The following ZMYND8 variants were observed in gnomAD, a reference collection of about 807,000 sequenced individuals.
ZMYND8 encodes MYND-type zinc finger-containing chromatin reader ZMYND8.
Under a neutral mutation model 140.8 loss-of-function variants are expected in ZMYND8, and 37 were observed. The ratio of observed to expected loss-of-function variants is 0.26; its 90% CI spans 0.20 to 0.35. ZMYND8 has a LOEUF of 0.35. Among genes scored for constraint, ZMYND8 ranks in the 10% least tolerant of loss-of-function variants. The probability of loss-of-function intolerance (pLI) is 1.00; values close to 1 mark genes in which losing one functional copy is unlikely to be tolerated. For missense variants in ZMYND8, 1,068 were observed against 1,570.0 expected, an observed-to-expected ratio of 0.68 and a Z score of 5.40; for synonymous variants, 592 against 597.1, an observed-to-expected ratio of 0.99 and a Z score of 0.12.
At chr20:47,351,835 CTT>C in intron 1 of ZMYND8, 1 of 985,422 alleles carries the variant, frequency 1.0e-6, no homozygotes, top group Non-Finnish European at 1.2e-6. Flanking sequence ...AGCTGTAGCT[CTT>C]GTTTAAGCAG....
At chr20:47,300,930 G>A (rs6018401) in intron 3 of ZMYND8, among the ~76,000 whole-genome samples, 64,772 of 141,164 alleles carry the variant, frequency 0.46, 16,400 homozygotes, top group African/African-American at 0.7. Context: ...GTGTGTGTGT[G>A]TGTGTTTTGT....
chr20:47,277,945 ATAGGTGTTAGC>A (rs2147814356), intron 10 of ZMYND8, among the ~76,000 whole-genome samples: 1 of 152,004 alleles, frequency 6.6e-6, no homozygotes, highest in East Asian at 1.9e-4. Flanking sequence ...TGCTGGGATT[ATAGGTGTTAGC>A]CACCGTGCCC....
chr20:47,315,946 G>A (rs2079358046), intron 2 of ZMYND8, among the ~76,000 whole-genome samples: 2 of 152,188 alleles, frequency 1.3e-5, no homozygotes, highest in African/African-American at 4.8e-5. Context: ...CAGGAAAACA[G>A]CTTGGCATGG....
chr20:47,345,538 C>G (rs1362913013), intron 2 of ZMYND8, among the ~76,000 whole-genome samples: 1 of 149,314 alleles, frequency 6.7e-6, no homozygotes, highest in Non-Finnish European at 1.5e-5. Flanking sequence ...GACGGAGTCT[C>G]GCTCTGTCCC....
At chr20:47,349,983 ATGC>A in intron 1 of ZMYND8, 1 of 1,520,012 alleles carries the variant, frequency 6.6e-7, no homozygotes, top group South Asian at 1.2e-5. Context: ...TCAGGCAGGA[ATGC>A]TGCTGAGAGA....
rs111531851 is a variant in ZMYND8, at chr20:47,341,515, A to T, written c.85+6341T>A. Among the ~76,000 whole-genome samples, 7 of 146,586 alleles carry T rather than the reference A, an allele frequency of 4.8e-5. 1 individual carries two copies. Among genetic ancestry groups the T allele is most frequent in the African/African-American group, 1.8e-4 (7 of 39,226 alleles). ...GCATTCCAGCCTAGGTGACAGAGCG[A>T]GACTCCATCTCAAAAAAAAAAAAAA... is the stretch of plus-strand genomic sequence containing the variant. On this transcript the variant is annotated intron_variant, in intron 2 of 22. Coordinates refer to ENST00000471951, the MANE Select transcript of ZMYND8 (RefSeq NM_001281775.3).
rs1306700965 is a variant in ZMYND8, at chr20:47,349,880, A to G, written c.15-1954T>C. On this transcript the variant is annotated intron_variant, in intron 1 of 22. Coordinates refer to ENST00000471951, the MANE Select transcript of ZMYND8 (RefSeq NM_001281775.3). ...ACCCACTTGAAGGATTTCTGCAGCG[A>G]TGAAAACATTCAAAGGTGTATTGAT... The G allele has an allele frequency of 2.0e-6, 3 of 1,535,676 alleles. No individual in the cohort carries two copies. In the East Asian group the frequency reaches 7.3e-5, roughly 38 times the overall value.
chr20:47,221,684 T>G (rs1228904290), intron 19 of ZMYND8, among the ~76,000 whole-genome samples: 1 of 152,228 alleles, frequency 6.6e-6, no homozygotes, highest in Non-Finnish European at 1.5e-5. Flanking sequence ...ATAAACATGC[T>G]GAGATGGAGT....
At position 47,246,099 on chromosome 20, in the gene ZMYND8, G is replaced by A. The variant is rs141781562; in HGVS notation, c.2193C>T (p.Ser731=). The change falls in exon 14 of 23, where the codon AGC becomes AGT. Residue 731 remains serine (S), a synonymous_variant. Coordinates refer to ENST00000471951, the MANE Select transcript of ZMYND8 (RefSeq NM_001281775.3). The part of the protein sequence containing the change: ...VHLGLDSDSE[S]ELVIDLGEDH... Reference sequence around the variant, plus strand: ...CTTCTCCTAAATCTATGACAAGTTCGCTCTCTGAATCAGAGTCCAGGCCCA... The same window carrying A: ...CTTCTCCTAAATCTATGACAAGTTCACTCTCTGAATCAGAGTCCAGGCCCA... 1.2e-5 allele frequency: 20 copies of A among 1,614,060 alleles called. No homozygotes were observed. Among genetic ancestry groups the A allele is most frequent in the African/African-American group, 4.0e-5 (3 of 74,968 alleles).
chr20:47,246,066 A>C lies in ZMYND8; in HGVS notation c.2226T>G (p.Ser742=). 1 of 1,613,898 alleles carries C rather than the reference A, an allele frequency of 6.2e-7. No homozygotes were observed. The highest frequency in any genetic ancestry group is 8.5e-7 in the Non-Finnish European group (1 of 1,179,962). ...ELVIDLGEDH[S]GREGRKNKKE... is the part of the protein sequence containing the mutation. ...TCTTATTTTTTCGACCCTCCCGCCC[A>C]GAATGGTCTTCTCCTAAATCTATGA... Residue 742 remains serine, a synonymous_variant, in exon 14 of 23, where the codon TCT becomes TCG. Transcript: ENST00000471951.
chr20:47,275,141 T>C (rs1431891233), intron 11 of ZMYND8, among the ~76,000 whole-genome samples: 1 of 152,226 alleles, frequency 6.6e-6, no homozygotes, highest in Non-Finnish European at 1.5e-5. Context: ...TGACATTTAA[T>C]AATTGGAGAT....
Position 47,298,169 on chromosome 20 carries a change from G to T in ZMYND8, c.453+560C>A. 1.4e-6 allele frequency: 1 copy of T among 721,698 alleles called. No homozygotes were observed. Among genetic ancestry groups the T allele is most frequent in the Non-Finnish European group, 1.7e-6 (1 of 589,912 alleles). The allele number at this position is 721,698 out of a possible 1,614,324, so 44.7% of individuals were successfully genotyped here. A position where few individuals can be genotyped will look rare whatever the true frequency, so the allele number is the denominator to read the frequency against. On this transcript the variant is annotated intron_variant, in intron 4 of 22. Transcript: ENST00000471951. This position sits in a 1 kb window ranked among gnomAD's most constrained non-coding sequence, Gnocchi z 5.0. ...TGGAACTTTATTTATTTTGGTTTTTGTCCTTTTCTGCTGGAAAAAAAAAAA... is the reference window on the plus strand; with the variant it reads ...TGGAACTTTATTTATTTTGGTTTTTTTCCTTTTCTGCTGGAAAAAAAAAAA...
rs1008294312 is a variant in ZMYND8, at chr20:47,276,442, C to T, written c.1352G>A (p.Arg451His). Residue 451 changes from arginine to histidine, a missense_variant, in exon 11 of 23, where the codon CGC (arginine) becomes CAC (histidine). Physicochemically the swap from Arg to His is conservative, Grantham distance 29. Transcript: ENST00000471951. ...GRRISLSDMP[R>H]SPMSTNSSVH... ...AGAAGAGTTTGTGCTCATGGGGGAG[C>T]GCGGCATATCCGACAAGGAAATCCG... 2.5e-6 allele frequency: 4 copies of T among 1,614,012 alleles called. No individual in the cohort carries two copies. Among genetic ancestry groups the T allele is most frequent in the African/African-American group, 1.3e-5 (1 of 74,912 alleles).
intron 11 of ZMYND8, among the ~76,000 whole-genome samples, chr20:47,266,947 C>G (rs6012147): frequency 6.6e-6 from 1 of 152,044 alleles, no homozygotes; most frequent in East Asian, 1.9e-4. Context: ...CAAACAAATC[C>G]TTGGATACGA....
At chr20:47,237,039 T>G (rs1462052184) in intron 15 of ZMYND8, among the ~76,000 whole-genome samples, 2 of 152,234 alleles carry the variant, frequency 1.3e-5, no homozygotes. Flanking sequence ...GCTAGACTCT[T>G]GCCCCTATTA....
At chr20:47,335,099 T>C (rs542348010) in intron 2 of ZMYND8, among the ~76,000 whole-genome samples, 4 of 151,654 alleles carry the variant, frequency 2.6e-5, no homozygotes, top group Admixed American at 2.0e-4. Context: ...ATATAAACAT[T>C]AGCCAGGGGT....
chr20:47,295,306 T>C (rs763778137), intron 4 of ZMYND8, among the ~76,000 whole-genome samples: 14 of 152,154 alleles, frequency 9.2e-5, no homozygotes, highest in Non-Finnish European at 1.9e-4. Context: ...GGTGGGAGGA[T>C]GGGTTGAGCC....
intron 11 of ZMYND8, among the ~76,000 whole-genome samples, chr20:47,266,048 G>T (rs2147627541): frequency 6.6e-6 from 1 of 152,214 alleles, no homozygotes; most frequent in South Asian, 2.1e-4. Flanking sequence ...TCAGGAAAAG[G>T]ACATACATGA....
chr20:47,287,886 GCTC>G (rs530011060), intron 7 of ZMYND8, among the ~76,000 whole-genome samples: 33 of 151,746 alleles, frequency 2.2e-4, no homozygotes, highest in African/African-American at 6.5e-4. Flanking sequence ...TTTCTTCTCA[GCTC>G]CTCAAGAAGT....
Sources: allele counts gnomAD v4.1 joint callset (sites outside exome capture counted in the v4.1 genomes callset), GRCh38; gene constraint gnomAD v4.1.1; non-coding constraint Gnocchi (gnomAD v3.1); transcripts MANE v1.5; gene names NCBI Gene and HGNC (gene_info 2026-07-23, HGNC 2026-07-21).